Variants in ALDH1B1 observed in about 807,000 individuals in gnomAD.
The protein encoded by ALDH1B1 is aldehyde dehydrogenase 1 family member B1.
A neutral mutation model predicts 26.2 loss-of-function variants in ALDH1B1; 19 were observed. The ratio of observed to expected loss-of-function variants is 0.72; its 90% CI spans 0.51 to 1.06. The LOEUF (loss-of-function observed/expected upper bound fraction) is 1.06. Ranked by LOEUF, ALDH1B1 falls within the 50% of genes least tolerant of loss-of-function variation. The pLI is 0.00. For synonymous variants in ALDH1B1, 249 were observed against 286.0 expected (o/e 0.87, Z 1.31); for missense variants, 671 against 683.1 (o/e 0.98, Z 0.20).
intron 1 of ALDH1B1, among the ~76,000 whole-genome samples, chr9:38,395,361 G>A (rs1366766760): frequency 1.3e-5 from 2 of 152,176 alleles, no homozygotes; most frequent in African/African-American, 4.8e-5. Flanking sequence ...CATTTTACTG[G>A]GGGGAGACAG....
rs780563987 is a variant in ALDH1B1, at chr9:38,396,471, T to C, written c.723T>C (p.Tyr241=). Residue 241 remains tyrosine (Y), a synonymous_variant, in exon 2 of 2, where the codon TAT becomes TAC. Transcript: ENST00000377698. ...GGGTGGTGAACATCATCACGGGGTA[T>C]GGCCCAACAGCAGGTGCGGCCATCG... ...PPGVVNIITG[Y]GPTAGAAIAQ... 6.2e-7 allele frequency: 1 copy of C among 1,614,068 alleles called. No individual in the cohort carries two copies. Among genetic ancestry groups the C allele is most frequent in the Non-Finnish European group, 8.5e-7 (1 of 1,179,992 alleles).
In ALDH1B1 at chr9:38,397,094, T is replaced by TCC; in HGVS notation, c.1347_1348insCC (p.Thr450ProfsTer22). The TCC allele has an allele frequency of 6.2e-7, 1 of 1,614,162 alleles. No homozygotes were observed. The highest frequency in any genetic ancestry group is 8.5e-7 in the Non-Finnish European group (1 of 1,180,026). ...AGGTATGGCCTGGCTGCGGCTGTGT[T>TCC]CACCCGGGATCTGGACAAGGCCATG... On this transcript the variant is annotated frameshift_variant, in exon 2 of 2. Coordinates refer to ENST00000377698, the MANE Select transcript of ALDH1B1 (RefSeq NM_000692.5). LOFTEE classifies it high-confidence loss of function.
Position 38,396,661 on chromosome 9 carries a change from G to A in ALDH1B1, c.913G>A (p.Glu305Lys). The A allele has an allele frequency of 6.2e-7, 1 of 1,614,194 alleles. No individual in the cohort carries two copies. ...CGATGCTGACATGGAGCATGCCGTG[G>A]AGCAGTGCCACGAAGCCCTGTTCTT... The part of the protein sequence containing the change: ...LADADMEHAV[E>K]QCHEALFFNM... Residue 305 changes from glutamate to lysine, a missense_variant, in exon 2 of 2, where the codon GAG (glutamate) becomes AAG (lysine). Transcript: ENST00000377698.
In ALDH1B1 at chr9:38,395,893, G is replaced by T; in HGVS notation, c.145G>T (p.Val49Phe). The T allele has an allele frequency of 6.2e-7, 1 of 1,613,898 alleles. No homozygotes were observed. Among genetic ancestry groups the T allele is most frequent in the South Asian group, 1.1e-5 (1 of 91,092 alleles). Residue 49 changes from valine to phenylalanine, a missense_variant, in exon 2 of 2, where the codon GTC becomes TTC. By Grantham distance (50) the Val-to-Phe change is conservative. Coordinates refer to ENST00000377698, the MANE Select transcript of ALDH1B1 (RefSeq NM_000692.5). ...CATCAACAATGAATGGCAAGATGCA[G>T]TCAGCAAGAAGACCTTCCCGACGGT... ...LFINNEWQDA[V>F]SKKTFPTVNP...
chr9:38,396,673 G>A lies in ALDH1B1; in HGVS notation c.925G>A (p.Glu309Lys), dbSNP rs568225773. 2.9e-5 allele frequency: 47 copies of A among 1,614,200 alleles called. No individual in the cohort carries two copies. Among genetic ancestry groups the A allele is most frequent in the Non-Finnish European group, 3.5e-5 (41 of 1,180,044 alleles). Reference sequence around the variant, plus strand: ...GGAGCATGCCGTGGAGCAGTGCCACGAAGCCCTGTTCTTCAACATGGGCCA... The same window carrying A: ...GGAGCATGCCGTGGAGCAGTGCCACAAAGCCCTGTTCTTCAACATGGGCCA... Reference protein sequence around the residue: ...DMEHAVEQCHEALFFNMGQCC... With the variant: ...DMEHAVEQCHKALFFNMGQCC... Residue 309 changes from glutamate to lysine, a missense_variant, in exon 2 of 2, where the codon GAA becomes AAA. Physicochemically the swap from Glu to Lys is moderately conservative, Grantham distance 56. Coordinates refer to ENST00000377698, the MANE Select transcript of ALDH1B1 (RefSeq NM_000692.5).
At chr9:38,394,694 G>A (rs1821245375) in intron 1 of ALDH1B1, 2 of 972,664 alleles carry the variant, frequency 2.1e-6, no homozygotes, top group Non-Finnish European at 2.4e-6. Flanking sequence ...GGGGTGAAGG[G>A]ACAGGCAGGT....
Position 38,395,856 on chromosome 9 carries a change from C to G in ALDH1B1, c.108C>G (p.Tyr36Ter). ...PSPILNPDIP[Y>*]NQLFINNEWQ... is the part of the protein sequence containing the mutation. ...CCATTCTGAACCCAGACATCCCCTA[C>G]AACCAGCTGTTCATCAACAATGAAT... Residue 36 changes from tyrosine to a stop codon, truncating the protein, a stop_gained, in exon 2 of 2, where the codon TAC (tyrosine) becomes TAG (stop). Transcript: ENST00000377698. LOFTEE classifies it high-confidence loss of function. 1 of 1,613,574 alleles carries G rather than the reference C, an allele frequency of 6.2e-7. No individual in the cohort carries two copies.
chr9:38,394,456 T>G, intron 1 of ALDH1B1: 4 of 372,704 alleles, frequency 1.1e-5, no homozygotes, highest in African/African-American at 2.2e-5. Flanking sequence ...GCTCGGCAAA[T>G]TTATTTTTGT....
rs767034330 is a variant in ALDH1B1, at chr9:38,396,205, G to T, written c.457G>T (p.Ala153Ser). 1 of 1,614,168 alleles carries T rather than the reference G, an allele frequency of 6.2e-7. No homozygotes were observed. Among genetic ancestry groups the T allele is most frequent in the East Asian group, 2.2e-5 (1 of 44,864 alleles). ...IKVYRYFAGW[A>S]DKWHGKTIPM... is the part of the protein sequence containing the mutation. Reference sequence around the variant, plus strand: ...GGTGTATCGGTACTTTGCTGGCTGGGCTGACAAGTGGCATGGCAAGACCAT... The same window carrying T: ...GGTGTATCGGTACTTTGCTGGCTGGTCTGACAAGTGGCATGGCAAGACCAT... The change falls in exon 2 of 2, where the codon GCT becomes TCT. Residue 153 changes from alanine (A) to serine (S), a missense_variant. Ala to Ser is a moderately conservative substitution (Grantham distance 99). Transcript: ENST00000377698.
Position 38,396,497 on chromosome 9 carries a change from C to A in ALDH1B1, c.749C>A (p.Ala250Asp). ...GYGPTAGAAI[A>D]QHVDVDKVAF... Reference sequence around the variant, plus strand: ...GGCCCAACAGCAGGTGCGGCCATCGCCCAGCACGTGGATGTTGACAAAGTT... The same window carrying A: ...GGCCCAACAGCAGGTGCGGCCATCGACCAGCACGTGGATGTTGACAAAGTT... The change falls in exon 2 of 2, where the codon GCC becomes GAC. Residue 250 changes from alanine to aspartate, a missense_variant. Ala to Asp is a moderately radical substitution (Grantham distance 126). Coordinates refer to ENST00000377698, the MANE Select transcript of ALDH1B1 (RefSeq NM_000692.5). 6.2e-7 allele frequency: 1 copy of A among 1,613,948 alleles called. No individual in the cohort carries two copies. Among genetic ancestry groups the A allele is most frequent in the Non-Finnish European group, 8.5e-7 (1 of 1,179,952 alleles).
In ALDH1B1 at chr9:38,396,154, G is replaced by A. The variant is rs138929946; in HGVS notation, c.406G>A (p.Ala136Thr). The A allele has an allele frequency of 9.3e-6, 15 of 1,614,212 alleles. No homozygotes were observed. The highest frequency in any genetic ancestry group is 1.3e-5 in the Non-Finnish European group (15 of 1,180,034). Residue 136 changes from alanine to threonine, a missense_variant, in exon 2 of 2, where the codon GCC (alanine) becomes ACC (threonine). By Grantham distance (58) the Ala-to-Thr change is moderately conservative. Coordinates refer to ENST00000377698, the MANE Select transcript of ALDH1B1 (RefSeq NM_000692.5). ...TGGGAAGCCTTTCCAAGAGTCTTACGCCTTGGACTTGGATGAGGTCATCAA... is the reference window on the plus strand; with the variant it reads ...TGGGAAGCCTTTCCAAGAGTCTTACACCTTGGACTTGGATGAGGTCATCAA... ...DNGKPFQESY[A>T]LDLDEVIKVY... is the part of the protein sequence containing the mutation.
intron 1 of ALDH1B1, among the ~76,000 whole-genome samples, chr9:38,395,296 G>A (rs535817731): frequency 6.6e-6 from 1 of 152,290 alleles, no homozygotes; most frequent in East Asian, 1.9e-4. Flanking sequence ...CTCTAGGCTC[G>A]GGGACGTAGC....
In ALDH1B1 at chr9:38,396,990, AGAG is replaced by A. The variant is rs1208477859; in HGVS notation, c.1246_1248del (p.Glu416del). The A allele has an allele frequency of 1.9e-6, 3 of 1,614,044 alleles. No homozygotes were observed. Among genetic ancestry groups the A allele is most frequent in the East Asian group, 2.2e-5 (1 of 44,892 alleles). On this transcript the variant is annotated inframe_deletion, in exon 2 of 2. Transcript: ENST00000377698. ...TGCAGGATGACATGAGAATTGCCAA[AGAG>A]GAGATCTTTGGGCCTGTGCAGCCCC...
At position 38,396,604 on chromosome 9, in the gene ALDH1B1, C is replaced by T. The variant is rs1385558449; in HGVS notation, c.856C>T (p.Leu286=). The T allele has an allele frequency of 2.5e-6, 4 of 1,614,048 alleles. No individual in the cohort carries two copies. The highest frequency in any genetic ancestry group is 2.7e-5 in the African/African-American group (2 of 75,070). ...CAACCTCAAGAGAGTCACCCTGGAG[C>T]TGGGTGGTAAGAGCCCCAGCATCGT... ...DSNLKRVTLE[L]GGKSPSIVLA... Residue 286 remains leucine (L), a synonymous_variant, in exon 2 of 2, where the codon CTG becomes TTG. Transcript: ENST00000377698.
At chr9:38,393,115 C>T (rs143209514) in intron 1 of ALDH1B1, among the ~76,000 whole-genome samples, 3 of 152,358 alleles carry the variant, frequency 2.0e-5, no homozygotes, top group Non-Finnish European at 4.4e-5. Context: ...CCAAAGGTTG[C>T]GCCCTTTCCC....
Position 38,396,838 on chromosome 9 carries a change from A to C in ALDH1B1, c.1090A>C (p.Lys364Gln). The C allele has an allele frequency of 1.2e-6, 2 of 1,614,248 alleles. No individual in the cohort carries two copies. The highest frequency in any genetic ancestry group is 1.7e-6 in the Non-Finnish European group (2 of 1,180,032). Residue 364 changes from lysine to glutamine, a missense_variant, in exon 2 of 2, where the codon AAG becomes CAG. By Grantham distance (53) the Lys-to-Gln change is moderately conservative. Coordinates refer to ENST00000377698, the MANE Select transcript of ALDH1B1 (RefSeq NM_000692.5). ...CACCCAGCAGGGGCCTCAGGTGGAC[A>C]AGGAGCAGTTTGAACGAGTCCTAGG... ...LDTQQGPQVD[K>Q]EQFERVLGYI...
At position 38,392,872 on chromosome 9, in the gene ALDH1B1, C is replaced by A. The variant is rs936190969; in HGVS notation, c.-10+65C>A. On this transcript the variant is annotated intron_variant, in intron 1 of 1. Transcript: ENST00000377698. The stretch of plus-strand genomic sequence containing the variant: ...CGCAGCTCCTGGCTCCGCGTGGGGG[C>A]TTTCCTCTCTGGGCCGCGGCGTCCG... The A allele has an allele frequency of 5.1e-6, 5 of 985,942 alleles. No homozygotes were observed. In the African/African-American group the frequency reaches 8.7e-5, roughly 17 times the overall value. 61.1% of individuals were successfully genotyped at this position (985,942 alleles called of 1,614,324 possible).
chr9:38,396,030 C>G lies in ALDH1B1; in HGVS notation c.282C>G (p.Arg94=), dbSNP rs1268048463. The change falls in exon 2 of 2, where the codon CGC becomes CGG. Residue 94 remains arginine, a synonymous_variant. Transcript: ENST00000377698. ...CCTTCCGCCTGGGGTCCCCATGGCG[C>G]CGGATGGATGCCTCTGAGCGGGGCC... ...REAFRLGSPW[R]RMDASERGRL... The G allele has an allele frequency of 6.2e-6, 10 of 1,613,894 alleles. No individual in the cohort carries two copies. The Admixed American group carries it at 1.7e-4, about 27-fold the overall frequency.
chr9:38,394,535 T>C, intron 1 of ALDH1B1: 3 of 951,240 alleles, frequency 3.2e-6, no homozygotes, highest in Non-Finnish European at 2.5e-6. Flanking sequence ...CAAGCAGTCC[T>C]TCCACTTCGG....
Sources: gnomAD v4.1 joint callset for allele counts (sites outside exome capture counted in the v4.1 genomes callset) on GRCh38, gnomAD v4.1.1 for gene constraint, MANE v1.5 for transcripts, NCBI Gene and HGNC (gene_info 2026-07-23, HGNC 2026-07-21) for gene names.